The following MALRD1 variants were observed in gnomAD, a reference collection of about 807,000 sequenced individuals.
The protein encoded by MALRD1 is MAM and LDL-receptor class A domain-containing protein 1.
In MALRD1, 247 loss-of-function variants were observed where a neutral mutation model predicts 242.1. That is an observed-to-expected ratio of 1.02 (90% confidence interval 0.92 to 1.13). MALRD1 has a LOEUF of 1.13. MALRD1 is among the 50% of genes most tolerant of loss of function. The probability of loss-of-function intolerance (pLI) is 0.00; values close to 1 mark genes in which losing one functional copy is unlikely to be tolerated. For missense variants in MALRD1, 2,989 were observed against 2,533.1 expected, an observed-to-expected ratio of 1.18 and a Z score of -3.86; for synonymous variants, 995 against 866.6, an observed-to-expected ratio of 1.15 and a Z score of -2.60.
In MALRD1 at chr10:19,545,941, A is replaced by C. The variant is rs546484801; in HGVS notation, c.5478+14590A>C. ...CTTTTATTTTTACAATCATACTGTTAATTTCCAAGAACTGTGAATGCTTCC... is the reference window on the plus strand; with the variant it reads ...CTTTTATTTTTACAATCATACTGTTCATTTCCAAGAACTGTGAATGCTTCC... On this transcript the variant is annotated intron_variant, in intron 32 of 39. Coordinates refer to ENST00000454679, the MANE Select transcript of MALRD1 (RefSeq NM_001142308.3). 2.8e-4 allele frequency among the ~76,000 whole-genome samples: 42 copies of C among 152,228 alleles called. 1 individual carries two copies. Among genetic ancestry groups the C allele is most frequent in the African/African-American group, 1.0e-3 (42 of 41,550 alleles).
chr10:19,223,426 T>G (rs939719704), intron 18 of MALRD1, among the ~76,000 whole-genome samples: 51 of 152,316 alleles, frequency 3.3e-4, no homozygotes, highest in Middle Eastern at 6.8e-3. Context: ...TAAGCAATTT[T>G]TTTTTTTAAC....
chr10:19,589,119 G>T (rs1837615537), intron 33 of MALRD1, among the ~76,000 whole-genome samples: 1 of 152,082 alleles, frequency 6.6e-6, no homozygotes, highest in Non-Finnish European at 1.5e-5. Flanking sequence ...AAGTCTAAGA[G>T]AAAAGTATCA....
chr10:19,476,828 G>T (rs752214955), intron 29 of MALRD1, among the ~76,000 whole-genome samples: 6 of 151,988 alleles, frequency 3.9e-5, no homozygotes, highest in Non-Finnish European at 8.8e-5. Flanking sequence ...TAGAAGATTC[G>T]TGAGTCTTTC....
chr10:19,125,055 C>T (rs1306703546), intron 7 of MALRD1, among the ~76,000 whole-genome samples: 1 of 138,896 alleles, frequency 7.2e-6, no homozygotes, highest in African/African-American at 2.7e-5. Context: ...AAGTGATTCT[C>T]CTGTCTCAGC....
chr10:19,601,335 T>TTC (rs1838332927), intron 34 of MALRD1, among the ~76,000 whole-genome samples: 1 of 152,098 alleles, frequency 6.6e-6, no homozygotes, highest in Non-Finnish European at 1.5e-5. Context: ...TATGTTGTAC[T>TTC]TATATTAATA....
chr10:19,616,096 T>C lies in MALRD1; in HGVS notation c.6137+173T>C, dbSNP rs565671286. On this transcript the variant is annotated intron_variant, in intron 36 of 39. Coordinates refer to ENST00000454679, the MANE Select transcript of MALRD1 (RefSeq NM_001142308.3). ...TGAATAAGGTAAAGGAATATGTGAG[T>C]GCATTTTAGAGAAATATCTCTTTAT... Among the ~76,000 whole-genome samples the C allele has an allele frequency of 9.2e-5, 14 of 152,102 alleles. No homozygotes were observed. The South Asian group carries it at 2.9e-3, about 32-fold the overall frequency.
At chr10:19,418,105 ATAAAG>A (rs915467593) in intron 28 of MALRD1, among the ~76,000 whole-genome samples, 8 of 152,142 alleles carry the variant, frequency 5.3e-5, no homozygotes, top group African/African-American at 1.9e-4. Context: ...TATTTTCATC[ATAAAG>A]TAAAGCCTTA....
intron 2 of MALRD1, among the ~76,000 whole-genome samples, chr10:19,086,883 A>G (rs1835686297): frequency 6.6e-6 from 1 of 151,654 alleles, no homozygotes; most frequent in Non-Finnish European, 1.5e-5. Flanking sequence ...TGAGAGGGAG[A>G]GTTTTGTGTC....
intron 21 of MALRD1, among the ~76,000 whole-genome samples, chr10:19,296,159 AC>A (rs754132805): frequency 2.6e-5 from 4 of 152,256 alleles, no homozygotes; most frequent in Middle Eastern, 3.4e-3. Flanking sequence ...ATAACTTTAA[AC>A]ACAGTTCCAG....
intron 28 of MALRD1, among the ~76,000 whole-genome samples, chr10:19,449,322 G>A (rs552898238): frequency 1.6e-4 from 25 of 152,236 alleles, no homozygotes; most frequent in East Asian, 1.2e-3. Flanking sequence ...GACTACTGGC[G>A]TGTGCCACCA....
intron 26 of MALRD1, among the ~76,000 whole-genome samples, chr10:19,358,021 G>A (rs1844711213): frequency 6.6e-6 from 1 of 151,894 alleles, no homozygotes; most frequent in African/African-American, 2.4e-5. Flanking sequence ...TGGCAATTTT[G>A]TTAATTGCTA....
At chr10:19,331,266 C>A (rs940857274) in intron 23 of MALRD1, 103 bp from the exon 24 acceptor site, 1 of 1,004,272 alleles carries the variant, frequency 1.0e-6, no homozygotes, top group Non-Finnish European at 1.5e-6. Context: ...AAAAAACAAA[C>A]AACAAAAAAC....
intron 22 of MALRD1, 88 bp from the exon 23 acceptor site, chr10:19,327,475 A>C: frequency 9.4e-7 from 1 of 1,069,260 alleles, no homozygotes; most frequent in African/African-American, 1.6e-5. Context: ...TGCAACTAAA[A>C]AAAAAAAAAT....
At position 19,128,296 on chromosome 10, in the gene MALRD1, C is replaced by G. The variant is rs1837345103; in HGVS notation, c.1019C>G (p.Ser340Cys). Residue 340 changes from serine (S) to cysteine (C), a missense_variant, in exon 8 of 40, where the codon TCT becomes TGT. Physicochemically the swap from Ser to Cys is moderately radical, Grantham distance 112. Coordinates refer to ENST00000454679, the MANE Select transcript of MALRD1 (RefSeq NM_001142308.3). Reference sequence around the variant, plus strand: ...GACAGCAGGGCTTACCTAAATAGCTCTGTGTGTCATTGCCTGGGCAAGAGC... The same window carrying G: ...GACAGCAGGGCTTACCTAAATAGCTGTGTGTGTCATTGCCTGGGCAAGAGC... Reference protein sequence around the residue: ...HLDSRAYLNSSVCHCLGKSCH... With the variant: ...HLDSRAYLNSCVCHCLGKSCH... 2.4e-6 allele frequency: 3 copies of G among 1,233,516 alleles called. No individual in the cohort carries two copies. The highest frequency in any genetic ancestry group is 3.2e-5 in the East Asian group (1 of 31,674). The allele number at this position is 1,233,516 out of a possible 1,614,324, so 76.4% of individuals were successfully genotyped here. A position where few individuals can be genotyped will look rare whatever the true frequency, so the allele number is the denominator to read the frequency against.
chr10:19,259,553 C>T (rs956119283), intron 19 of MALRD1, among the ~76,000 whole-genome samples: 8 of 152,142 alleles, frequency 5.3e-5, no homozygotes, highest in Admixed American at 4.6e-4. Context: ...GACTTATTCA[C>T]TTTCACAAGA....
chr10:19,109,402 G>A (rs1836594582), intron 5 of MALRD1, among the ~76,000 whole-genome samples: 1 of 152,158 alleles, frequency 6.6e-6, no homozygotes, highest in Non-Finnish European at 1.5e-5. Flanking sequence ...TCACACACAA[G>A]GATGCATGAG....
rs148958700 is a variant in MALRD1 at position 19,321,298 on chromosome 10, C to A, written c.3420-2651C>A. ...GTCTGTTGGGAATGTGTTGGGATTT[C>A]ATTTAATCTTTAAATCAATTTGTTT... On this transcript the variant is annotated intron_variant, in intron 21 of 39. Transcript: ENST00000454679. Among the ~76,000 whole-genome samples the A allele has an allele frequency of 7.1e-4, 108 of 152,178 alleles. 1 individual carries two copies. In the East Asian group the frequency reaches 0.019, roughly 27 times the overall value.
intron 21 of MALRD1, among the ~76,000 whole-genome samples, chr10:19,306,251 CT>C (rs1842190517): frequency 3.2e-5 from 4 of 126,864 alleles, no homozygotes; most frequent in Non-Finnish European, 4.9e-5. Context: ...ATATACTATA[CT>C]ATAGTATAGT....
intron 13 of MALRD1, among the ~76,000 whole-genome samples, chr10:19,174,055 T>A (rs1158593310): frequency 6.6e-6 from 1 of 152,206 alleles, no homozygotes; most frequent in South Asian, 2.1e-4. Flanking sequence ...AAACTCTCTA[T>A]GTTTATGCTT....
Sources: gnomAD v4.1 joint callset for allele counts (sites outside exome capture counted in the v4.1 genomes callset) on GRCh38, gnomAD v4.1.1 for gene constraint, MANE v1.5 for transcripts, NCBI Gene and HGNC (gene_info 2026-07-23, HGNC 2026-07-21) for gene names.